LRRC7: variants seen among roughly 807,000 people sequenced by gnomAD.
LRRC7 encodes leucine rich repeat containing 7, also known as leucine-rich repeat-containing protein 7.
A neutral mutation model predicts 175.7 loss-of-function variants in LRRC7; 23 were observed. The ratio of observed to expected loss-of-function variants is 0.13; its 90% CI spans 0.09 to 0.19. The LOEUF (loss-of-function observed/expected upper bound fraction) is 0.19. Among genes scored for constraint, LRRC7 ranks in the 10% least tolerant of loss-of-function variants. The pLI, the probability that LRRC7 is intolerant of heterozygous loss-of-function variation, is 1.00. For missense variants in LRRC7, 1,354 were observed against 1,904.7 expected (o/e 0.71, Z 5.38); for synonymous variants, 685 against 680.9 (o/e 1.01, Z -0.09).
At chr1:69,917,159 G>T (rs550652444) in intron 7 of LRRC7, among the ~76,000 whole-genome samples, 3 of 152,134 alleles carry the variant, frequency 2.0e-5, no homozygotes, top group Non-Finnish European at 4.4e-5. Flanking sequence ...ATATGCAAAT[G>T]AGTCTAAATA....
At chr1:69,596,861 T>A (rs1646865662) in intron 1 of LRRC7, among the ~76,000 whole-genome samples, 1 of 152,240 alleles carries the variant, frequency 6.6e-6, no homozygotes, top group Non-Finnish European at 1.5e-5. Flanking sequence ...TTCCTCTTTC[T>A]CCTCTTTCAC....
rs753501719 is a variant in LRRC7, at chr1:70,011,863, C to G, written c.1071C>G (p.Gly357=). ...NELESLPSTI[G]YLHSLRTLAV... ...TGGAGTCACTACCTTCTACTATTGGCTACCTTCATAGTCTTCGGACATTAG... is the reference window on the plus strand; with the variant it reads ...TGGAGTCACTACCTTCTACTATTGGGTACCTTCATAGTCTTCGGACATTAG... Residue 357 remains glycine, a synonymous_variant, in exon 12 of 27, where the codon GGC becomes GGG. Coordinates refer to ENST00000651989, the MANE Select transcript of LRRC7 (RefSeq NM_001370785.2). 1.3e-6 allele frequency: 2 copies of G among 1,593,574 alleles called. No homozygotes were observed. The highest frequency in any genetic ancestry group is 1.7e-6 in the Non-Finnish European group (2 of 1,161,932).
rs368099333 is a variant in LRRC7 at position 69,931,471 on chromosome 1, C to T, written c.648-36C>T. 16 of 1,560,422 alleles carry T rather than the reference C, an allele frequency of 1.0e-5. No homozygotes were observed. In the African/African-American group the frequency reaches 2.0e-4, roughly 20 times the overall value. ...GTCTTTTAGAGCAATGTATCATGCA[C>T]TACCTCACAATAGTATTTTTCTCCA... On this transcript the variant is annotated intron_variant, in intron 7 of 26. Coordinates refer to ENST00000651989, the MANE Select transcript of LRRC7 (RefSeq NM_001370785.2).
intron 7 of LRRC7, among the ~76,000 whole-genome samples, chr1:69,846,948 C>T (rs940184749): frequency 2.6e-5 from 4 of 151,930 alleles, no homozygotes; most frequent in African/African-American, 9.7e-5. Context: ...GTGATGCTAA[C>T]GTGCCTTTCT....
chr1:69,856,628 A>C (rs1474551854), intron 7 of LRRC7, among the ~76,000 whole-genome samples: 1 of 152,186 alleles, frequency 6.6e-6, no homozygotes, highest in African/African-American at 2.4e-5. Context: ...TTAATAGCCT[A>C]CTAACCAAAA....
intron 8 of LRRC7, among the ~76,000 whole-genome samples, chr1:69,975,162 A>T (rs1371610523): frequency 1.3e-5 from 2 of 152,230 alleles, no homozygotes; most frequent in Admixed American, 1.3e-4. Context: ...GAGAAATTTC[A>T]GAGGTATGAT....
intron 22 of LRRC7, among the ~76,000 whole-genome samples, chr1:70,048,663 T>A (rs1660520018): frequency 6.6e-6 from 1 of 152,096 alleles, no homozygotes; most frequent in Non-Finnish European, 1.5e-5. Flanking sequence ...TAGAATATAT[T>A]AACTAATCCA....
At chr1:69,766,423 A>G (rs562535739) in intron 3 of LRRC7, among the ~76,000 whole-genome samples, 4 of 152,314 alleles carry the variant, frequency 2.6e-5, no homozygotes, top group African/African-American at 9.6e-5. Context: ...CATTTCACTT[A>G]TAGAGATCAC....
At chr1:70,084,849 T>C (rs1482034261) in intron 24 of LRRC7, among the ~76,000 whole-genome samples, 2 of 152,200 alleles carry the variant, frequency 1.3e-5, no homozygotes, top group Admixed American at 6.5e-5. Context: ...AGTCATCCTG[T>C]TCATTAGTAT....
chr1:69,632,415 A>G (rs1428118291), intron 1 of LRRC7, among the ~76,000 whole-genome samples: 1 of 152,120 alleles, frequency 6.6e-6, no homozygotes, highest in Admixed American at 6.6e-5. Flanking sequence ...CCCTTATAGC[A>G]TTTTAAATTT....
intron 2 of LRRC7, among the ~76,000 whole-genome samples, chr1:69,733,096 A>C (rs1486102422): frequency 6.6e-6 from 1 of 152,078 alleles, no homozygotes; most frequent in Non-Finnish European, 1.5e-5. Context: ...GAGTTAGAGA[A>C]TCACAAAAAT....
intron 1 of LRRC7, among the ~76,000 whole-genome samples, chr1:69,631,101 G>A (rs1469756490): frequency 1.3e-5 from 2 of 151,770 alleles, no homozygotes; most frequent in East Asian, 3.9e-4. Context: ...CATATAATGT[G>A]TACAGATCAA....
chr1:69,905,646 C>G (rs999317249), intron 7 of LRRC7, among the ~76,000 whole-genome samples: 1 of 152,168 alleles, frequency 6.6e-6, no homozygotes, highest in African/African-American at 2.4e-5. Context: ...TTTTCTTAAT[C>G]CAGTCTATCA....
At chr1:70,001,163 G>C (rs1234225436) in intron 11 of LRRC7, among the ~76,000 whole-genome samples, 4 of 151,728 alleles carry the variant, frequency 2.6e-5, no homozygotes, top group African/African-American at 2.4e-5. Context: ...ACCTACTTTT[G>C]TTTTTGATTC....
chr1:69,627,687 C>G (rs1022851679), intron 1 of LRRC7, among the ~76,000 whole-genome samples: 2 of 151,924 alleles, frequency 1.3e-5, no homozygotes, highest in Non-Finnish European at 2.9e-5. Flanking sequence ...AGGTTTTCTT[C>G]TAGGGTTTTT....
At chr1:69,777,731 A>G (rs1174016244) in intron 3 of LRRC7, among the ~76,000 whole-genome samples, 1 of 152,112 alleles carries the variant, frequency 6.6e-6, no homozygotes. Flanking sequence ...TTGTTACCTA[A>G]ATATGCCTTA....
intron 8 of LRRC7, among the ~76,000 whole-genome samples, chr1:69,935,187 C>T (rs1162865939): frequency 6.6e-6 from 1 of 152,008 alleles, no homozygotes; most frequent in African/African-American, 2.4e-5. Flanking sequence ...CAGCATCTCC[C>T]CTTATGTGAA....
intron 22 of LRRC7, among the ~76,000 whole-genome samples, chr1:70,046,413 T>G (rs1241213315): frequency 6.6e-6 from 1 of 152,022 alleles, no homozygotes; most frequent in Non-Finnish European, 1.5e-5. Flanking sequence ...CAAAACGAAT[T>G]CTCTTTGGAA....
intron 7 of LRRC7, among the ~76,000 whole-genome samples, chr1:69,922,888 G>A (rs1033914846): frequency 3.3e-5 from 5 of 151,286 alleles, no homozygotes; most frequent in African/African-American, 9.7e-5. Context: ...GTATACATAC[G>A]CCATGCTGGT....
Sources: allele counts gnomAD v4.1 joint callset (sites outside exome capture counted in the v4.1 genomes callset), GRCh38; gene constraint gnomAD v4.1.1; transcripts MANE v1.5; gene names NCBI Gene and HGNC (gene_info 2026-07-23, HGNC 2026-07-21).